The following PANK1 variants were observed in gnomAD, a reference collection of about 807,000 sequenced individuals.
PANK1 encodes the protein pantothenate kinase 1, also known as pantothenic acid kinase 1.
PANK1 carries 18 observed loss-of-function variants against 40.1 expected under a neutral mutation model. That is an observed-to-expected ratio of 0.45 (90% CI 0.31 to 0.67). The LOEUF is 0.67. Ranked by LOEUF, PANK1 falls within the 30% of genes least tolerant of loss-of-function variation. The pLI is 0.06. For synonymous variants in PANK1, 242 were observed against 237.7 expected, an observed-to-expected ratio of 1.02 and a Z score of -0.17; for missense variants, 457 against 599.6, an observed-to-expected ratio of 0.76 and a Z score of 2.48.
At chr10:89,610,266 T>C (rs565120072) in intron 2 of PANK1, among the ~76,000 whole-genome samples, 28 of 152,282 alleles carry the variant, frequency 1.8e-4, no homozygotes, top group African/African-American at 6.7e-4. Context: ...TGATGAAATG[T>C]AGAAACAGGA....
chr10:89,622,397 G>A (rs1034604490), intron 1 of PANK1, among the ~76,000 whole-genome samples: 8 of 152,058 alleles, frequency 5.3e-5, no homozygotes, highest in African/African-American at 1.9e-4. Context: ...TGCTACCACT[G>A]GGAATGTAAA....
chr10:89,639,473 GGTA>G (rs1395719897), intron 1 of PANK1, among the ~76,000 whole-genome samples: 2 of 152,104 alleles, frequency 1.3e-5, no homozygotes, highest in African/African-American at 4.8e-5. Context: ...GTCCAGGCAT[GGTA>G]CTATACTTGA....
At chr10:89,614,421 G>T (rs1845256108) in intron 1 of PANK1, among the ~76,000 whole-genome samples, 1 of 152,122 alleles carries the variant, frequency 6.6e-6, no homozygotes, top group South Asian at 2.1e-4. Context: ...AGGCAAATTG[G>T]AAACAAGATG....
intron 1 of PANK1, among the ~76,000 whole-genome samples, chr10:89,617,048 C>T (rs1457217072): frequency 6.6e-6 from 1 of 152,214 alleles, no homozygotes; most frequent in Non-Finnish European, 1.5e-5. Flanking sequence ...TGAGACCCTC[C>T]AGAGCTTTCC....
downstream of PANK1, chr10:89,581,800 G>T (rs1413477296): frequency 3.3e-5 from 5 of 152,194 alleles, no homozygotes; most frequent in African/African-American, 1.2e-4. Flanking sequence ...CAAAACATGT[G>T]AAGAGCCCTA....
chr10:89,621,954 T>C (rs938875288), intron 1 of PANK1, among the ~76,000 whole-genome samples: 9 of 152,248 alleles, frequency 5.9e-5, no homozygotes, highest in African/African-American at 2.2e-4. Flanking sequence ...CCTCAAGTGA[T>C]CCACCTGCCT....
At chr10:89,641,830 C>G (rs1841980503) in intron 1 of PANK1, among the ~76,000 whole-genome samples, 1 of 151,816 alleles carries the variant, frequency 6.6e-6, no homozygotes, top group Non-Finnish European at 1.5e-5. Flanking sequence ...AATGTTAAAT[C>G]AGTGGCACAG....
intron 1 of PANK1, chr10:89,639,280 G>C (rs1347377544): frequency 4.6e-6 from 2 of 437,680 alleles, no homozygotes; most frequent in African/African-American, 2.0e-5. Flanking sequence ...GCAGCCTCAA[G>C]TCCTTTTACA....
At position 89,583,986 on chromosome 10, in the gene PANK1, T is replaced by C. The variant is rs1365680242; in HGVS notation, c.*420A>G. Reference sequence around the variant, plus strand: ...ACCAACAGCAAATCATGAAACGTCATGAAAAATATAAGTCAAGGTAAAATC... The same window carrying C: ...ACCAACAGCAAATCATGAAACGTCACGAAAAATATAAGTCAAGGTAAAATC... On this transcript the variant is annotated 3_prime_UTR_variant, in exon 7 of 7. Coordinates refer to ENST00000307534, the MANE Select transcript of PANK1 (RefSeq NM_148977.3). The C allele has an allele frequency of 1.9e-5, 3 of 156,440 alleles. No homozygotes were observed. The highest frequency in any genetic ancestry group is 7.2e-5 in the African/African-American group (3 of 41,604). The allele number at this position is 156,440 out of a possible 1,614,324, so 9.7% of individuals were successfully genotyped here. A position where few individuals can be genotyped will look rare whatever the true frequency, so the allele number is the denominator to read the frequency against.
intron 1 of PANK1, among the ~76,000 whole-genome samples, chr10:89,623,417 G>A (rs1845561802): frequency 6.6e-6 from 1 of 151,872 alleles, no homozygotes; most frequent in African/African-American, 2.4e-5. Context: ...GTGGAGACGA[G>A]GTTTCACCAT....
chr10:89,631,618 A>C (rs1380537345), intron 1 of PANK1, among the ~76,000 whole-genome samples: 2 of 152,356 alleles, frequency 1.3e-5, no homozygotes, highest in East Asian at 3.9e-4. Context: ...ATATTTCCAG[A>C]CAAAAATTAT....
At chr10:89,595,909 C>CAT (rs1225026920) in intron 3 of PANK1, among the ~76,000 whole-genome samples, 2 of 134,538 alleles carry the variant, frequency 1.5e-5, no homozygotes, top group African/African-American at 5.6e-5. Flanking sequence ...TACACACACA[C>CAT]ATATATATAT....
At chr10:89,612,219 T>G (rs373706036) in intron 1 of PANK1, among the ~76,000 whole-genome samples, 171 bp from the exon 2 acceptor site, 1 of 152,012 alleles carries the variant, frequency 6.6e-6, no homozygotes, top group African/African-American at 2.4e-5. Flanking sequence ...ACAGAGAAAA[T>G]TTTACAATCA....
At chr10:89,591,928 G>A (rs1844402956) in intron 5 of PANK1, among the ~76,000 whole-genome samples, 1 of 152,192 alleles carries the variant, frequency 6.6e-6, no homozygotes, top group Admixed American at 6.5e-5. Context: ...GGCATCTATT[G>A]CTCTGTGGGG....
downstream of PANK1, chr10:89,581,678 T>C (rs1209683692): frequency 6.6e-6 from 1 of 152,370 alleles, no homozygotes; most frequent in East Asian, 1.9e-4. Context: ...CCTCCCAAAG[T>C]GCTGGGATTA....
intron 3 of PANK1, among the ~76,000 whole-genome samples, chr10:89,597,550 A>G (rs1844648643): frequency 6.6e-6 from 1 of 152,218 alleles, no homozygotes; most frequent in Non-Finnish European, 1.5e-5. Context: ...TACACACATA[A>G]TAGAAGCCAA....
At chr10:89,634,360 G>C (rs1841743064) in intron 1 of PANK1, among the ~76,000 whole-genome samples, 1 of 152,126 alleles carries the variant, frequency 6.6e-6, no homozygotes, top group South Asian at 2.1e-4. Flanking sequence ...AGTTCATACA[G>C]GTCCAGTCTG....
intron 1 of PANK1, among the ~76,000 whole-genome samples, chr10:89,633,136 T>C (rs1240441325): frequency 1.9e-5 from 2 of 103,564 alleles, no homozygotes; most frequent in Non-Finnish European, 5.0e-5. Flanking sequence ...TTCCACGGTG[T>C]ATATATATAT....
chr10:89,594,389 T>G (rs1409885798), intron 3 of PANK1, among the ~76,000 whole-genome samples: 1 of 152,190 alleles, frequency 6.6e-6, no homozygotes, highest in Non-Finnish European at 1.5e-5. Context: ...AAAAACCATA[T>G]GCAGCTGAAT....
Sources: gnomAD v4.1 joint callset for allele counts (sites outside exome capture counted in the v4.1 genomes callset) on GRCh38, gnomAD v4.1.1 for gene constraint, MANE v1.5 for transcripts, NCBI Gene and HGNC (gene_info 2026-07-23, HGNC 2026-07-21) for gene names.